The following DEPDC1B variants were observed in gnomAD, a reference collection of about 807,000 sequenced individuals.
The protein encoded by DEPDC1B is DEP domain containing 1B, also known as DEP domain-containing protein 1B.
A neutral mutation model predicts 66.5 loss-of-function variants in DEPDC1B; 51 were observed. The ratio of observed to expected loss-of-function variants is 0.77; its 90% CI spans 0.61 to 0.97. DEPDC1B has a LOEUF of 0.97. DEPDC1B is among the 50% of genes least tolerant of loss of function. The pLI is 0.00. For synonymous variants in DEPDC1B, 226 were observed against 223.6 expected (o/e 1.01, Z -0.10); for missense variants, 552 against 637.1 (o/e 0.87, Z 1.44).
chr5:60,657,899 G>T (rs1753614582), intron 2 of DEPDC1B, among the ~76,000 whole-genome samples: 1 of 152,190 alleles, frequency 6.6e-6, no homozygotes, highest in South Asian at 2.1e-4. Flanking sequence ...CAGACTTTTA[G>T]ATTTCTCTTC....
intron 2 of DEPDC1B, among the ~76,000 whole-genome samples, chr5:60,650,769 A>G (rs545320081): frequency 6.6e-6 from 1 of 152,280 alleles, no homozygotes; most frequent in Non-Finnish European, 1.5e-5. Context: ...GGTGTTTACA[A>G]TCATACCTCC....
At position 60,661,442 on chromosome 5, in the gene DEPDC1B, A is replaced by G. The variant is rs187361041; in HGVS notation, c.315-13909T>C. 2.7e-3 allele frequency among the ~76,000 whole-genome samples: 404 copies of G among 152,292 alleles called. 2 individuals carry two copies. The highest frequency in any genetic ancestry group is 7.1e-3 in the Admixed American group (109 of 15,296). ...AAAGACTAGGGGTCCTGGCATCCCT[A>G]TGTACTTTTTTCAGACGGGAAACGT... is the stretch of plus-strand genomic sequence containing the variant. On this transcript the variant is annotated intron_variant, in intron 2 of 10. Coordinates refer to ENST00000265036, the MANE Select transcript of DEPDC1B (RefSeq NM_018369.3).
intron 7 of DEPDC1B, among the ~76,000 whole-genome samples, chr5:60,620,250 A>G (rs572480908): frequency 6.6e-6 from 1 of 152,356 alleles, no homozygotes; most frequent in Non-Finnish European, 1.5e-5. Flanking sequence ...CATGTCTAAA[A>G]CACCAAAAGC....
chr5:60,677,662 G>T (rs970641086), intron 2 of DEPDC1B, among the ~76,000 whole-genome samples: 1 of 151,990 alleles, frequency 6.6e-6, no homozygotes, highest in Non-Finnish European at 1.5e-5. Flanking sequence ...TCAGCCTCTG[G>T]AGTAGCTTGG....
chr5:60,603,846 T>TATATATATATATATATATAC (rs1491589366), intron 8 of DEPDC1B, among the ~76,000 whole-genome samples: 11 of 134,324 alleles, frequency 8.2e-5, no homozygotes, highest in African/African-American at 1.8e-4. Context: ...TATATATATA[T>TATATATATATATATATATAC]ACACACACAT....
intron 4 of DEPDC1B, 145 bp downstream of exon 4, chr5:60,645,347 C>T (rs1308400572): frequency 1.3e-6 from 1 of 770,108 alleles, no homozygotes; most frequent in East Asian, 3.1e-5. Context: ...TTCAGTTAAA[C>T]TATGTTTGCT....
rs770640655 is a variant in DEPDC1B at position 60,677,326 on chromosome 5, A to ACACACACTCTCTCTCTCT, written c.314+9635_314+9636insAGAGAGAGAGAGTGTGTG. Among the ~76,000 whole-genome samples, 99 of 108,554 alleles carry ACACACACTCTCTCTCTCT rather than the reference A, an allele frequency of 9.1e-4. 1 individual carries two copies. Among genetic ancestry groups the ACACACACTCTCTCTCTCT allele is most frequent in the African/African-American group, 3.7e-3 (93 of 25,294 alleles). 71.2% of individuals were successfully genotyped at this position (108,554 alleles called of 152,430 possible). A position where few individuals can be genotyped will look rare whatever the true frequency, so the allele number is the denominator to read the frequency against. On this transcript the variant is annotated intron_variant, in intron 2 of 10. Transcript: ENST00000265036. The stretch of plus-strand genomic sequence containing the variant: ...CACACACACACACACACACACACAC[A>ACACACACTCTCTCTCTCT]CTCTCTCTCTCTCTCTCTCTCTCTC...
At chr5:60,692,402 G>A (rs1160330641) in intron 1 of DEPDC1B, among the ~76,000 whole-genome samples, 2 of 152,006 alleles carry the variant, frequency 1.3e-5, no homozygotes, top group Non-Finnish European at 2.9e-5. Flanking sequence ...CATTGAATTC[G>A]TAAATCATAA....
intron 1 of DEPDC1B, among the ~76,000 whole-genome samples, chr5:60,695,734 C>T (rs1192419441): frequency 1.3e-5 from 2 of 152,208 alleles, no homozygotes; most frequent in Non-Finnish European, 2.9e-5. Flanking sequence ...TCAATTAATA[C>T]CAAGTATAAA....
At chr5:60,616,084 A>G (rs1180447141) in intron 7 of DEPDC1B, among the ~76,000 whole-genome samples, 4 of 152,202 alleles carry the variant, frequency 2.6e-5, no homozygotes, top group South Asian at 2.1e-4. Context: ...TGAGGGTCCT[A>G]ACTGTTAGAA....
At chr5:60,606,049 G>C (rs1752302716) in intron 7 of DEPDC1B, among the ~76,000 whole-genome samples, 193 bp from the exon 8 acceptor site, 1 of 151,982 alleles carries the variant, frequency 6.6e-6, no homozygotes, top group East Asian at 1.9e-4. Flanking sequence ...CATCAACCAG[G>C]CATGACAAAT....
At chr5:60,699,739 G>T (rs1052909097) in intron 1 of DEPDC1B, among the ~76,000 whole-genome samples, 38 of 152,208 alleles carry the variant, frequency 2.5e-4, no homozygotes, top group African/African-American at 8.7e-4. Context: ...AGATTCCAGA[G>T]GACAAAAGGC....
intron 10 of DEPDC1B, 60 bp downstream of exon 10, chr5:60,599,015 A>AT (rs1488818827): frequency 2.7e-5 from 38 of 1,433,676 alleles, no homozygotes; most frequent in East Asian, 1.9e-4. Context: ...TTAAAATAAA[A>AT]AAAAAAACAT....
intron 7 of DEPDC1B, among the ~76,000 whole-genome samples, chr5:60,631,831 G>C (rs527539572): frequency 6.6e-6 from 1 of 152,320 alleles, no homozygotes; most frequent in African/African-American, 2.4e-5. Flanking sequence ...TAGGATCACA[G>C]AGTTCATCCA....
chr5:60,618,002 C>A (rs1230792640), intron 7 of DEPDC1B, among the ~76,000 whole-genome samples: 1 of 152,186 alleles, frequency 6.6e-6, no homozygotes, highest in Non-Finnish European at 1.5e-5. Flanking sequence ...AACCGCTCGA[C>A]TACATGGAAA....
At chr5:60,607,154 G>A (rs1376095777) in intron 7 of DEPDC1B, among the ~76,000 whole-genome samples, 1 of 152,202 alleles carries the variant, frequency 6.6e-6, no homozygotes, top group African/African-American at 2.4e-5. Context: ...AAGCCACTCA[G>A]TATGACATGC....
intron 7 of DEPDC1B, among the ~76,000 whole-genome samples, chr5:60,635,400 C>T (rs1345411078): frequency 3.3e-5 from 5 of 152,056 alleles, no homozygotes; most frequent in Non-Finnish European, 5.9e-5. Context: ...AAATCACAGG[C>T]GAAGATCTCA....
chr5:60,605,379 G>A (rs1051742742), intron 8 of DEPDC1B, among the ~76,000 whole-genome samples: 1 of 152,174 alleles, frequency 6.6e-6, no homozygotes, highest in Non-Finnish European at 1.5e-5. Context: ...ACTCTATAAT[G>A]TATACATGAA....
intron 2 of DEPDC1B, among the ~76,000 whole-genome samples, chr5:60,654,730 T>C (rs1304902716): frequency 6.7e-6 from 1 of 148,856 alleles, no homozygotes; most frequent in East Asian, 2.1e-4. Context: ...TGCTTTCCAC[T>C]TTTCCCTGTT....
Sources: allele counts gnomAD v4.1 joint callset (sites outside exome capture counted in the v4.1 genomes callset), GRCh38; gene constraint gnomAD v4.1.1; transcripts MANE v1.5; gene names NCBI Gene and HGNC (gene_info 2026-07-23, HGNC 2026-07-21).